CNTN4: variants seen among roughly 807,000 people sequenced by gnomAD.
CNTN4 encodes the protein contactin 4, also known as contactin-4.
CNTN4 carries 77 observed loss-of-function variants against 122.5 expected under a neutral mutation model. That is an observed-to-expected ratio of 0.63 (90% CI 0.52 to 0.76). The LOEUF (loss-of-function observed/expected upper bound fraction) is 0.76, where lower values mean the gene tolerates loss of function less well. CNTN4 is among the 30% of genes least tolerant of loss of function. The probability of loss-of-function intolerance (pLI) is 0.00; values close to 1 mark genes in which losing one functional copy is unlikely to be tolerated. For synonymous variants in CNTN4, 512 were observed against 447.0 expected, an observed-to-expected ratio of 1.15 and a Z score of -1.83; for missense variants, 1,256 against 1,259.1, an observed-to-expected ratio of 1.00 and a Z score of 0.04.
intron 4 of CNTN4, among the ~76,000 whole-genome samples, chr3:2,663,236 C>A (rs1246776937): frequency 6.6e-6 from 1 of 151,906 alleles, no homozygotes; most frequent in Non-Finnish European, 1.5e-5. Context: ...GAACTAGAAT[C>A]AAAAAAGTGA....
At chr3:2,111,633 A>G (rs1263611985) in intron 2 of CNTN4, among the ~76,000 whole-genome samples, 1 of 152,160 alleles carries the variant, frequency 6.6e-6, no homozygotes, top group Non-Finnish European at 1.5e-5. Flanking sequence ...CTACTTATGT[A>G]TTTAGTATAT....
At chr3:2,344,139 G>A (rs749718830) in intron 3 of CNTN4, among the ~76,000 whole-genome samples, 8 of 152,098 alleles carry the variant, frequency 5.3e-5, no homozygotes, top group Non-Finnish European at 1.0e-4. Context: ...GTCAGATTTC[G>A]ACACGACATT....
intron 2 of CNTN4, among the ~76,000 whole-genome samples, chr3:2,218,700 C>A (rs1226926885): frequency 6.6e-6 from 1 of 152,148 alleles, no homozygotes; most frequent in Non-Finnish European, 1.5e-5. Flanking sequence ...ATCTTTTTCC[C>A]TGATACAAAT....
Position 2,281,360 on chromosome 3 carries a change from G to C in CNTN4, c.-144-57818G>C, listed in dbSNP as rs553059185. 2.9e-4 allele frequency among the ~76,000 whole-genome samples: 44 copies of C among 152,192 alleles called. 1 individual carries two copies. Among genetic ancestry groups the C allele is most frequent in the African/African-American group, 1.1e-3 (44 of 41,524 alleles). Reference sequence around the variant, plus strand: ...AAATGCCTAGTACAGGGACTGTCTAGTAACTCCTAACCACAACTATTATGC... The same window carrying C: ...AAATGCCTAGTACAGGGACTGTCTACTAACTCCTAACCACAACTATTATGC... On this transcript the variant is annotated intron_variant, in intron 2 of 24. Transcript: ENST00000418658.
rs537262760 is a variant in CNTN4, at chr3:2,372,057, A to G, written c.-89+32824A>G. ...AACAATCATCATATTTTTCATATAA[A>G]TGATGATATAAGCTCTGGTAATAAG... On this transcript the variant is annotated intron_variant, in intron 3 of 24. Transcript: ENST00000418658. 6.6e-5 allele frequency among the ~76,000 whole-genome samples: 10 copies of G among 152,356 alleles called. No individual in the cohort carries two copies. The South Asian group carries it at 1.9e-3, about 28-fold the overall frequency.
intron 3 of CNTN4, among the ~76,000 whole-genome samples, chr3:2,458,342 C>G (rs2049076638): frequency 6.6e-6 from 1 of 151,992 alleles, no homozygotes; most frequent in African/African-American, 2.4e-5. Flanking sequence ...TTTATCTAAC[C>G]CTGACATACA....
At chr3:2,113,973 A>C (rs898689175) in intron 2 of CNTN4, among the ~76,000 whole-genome samples, 1 of 152,228 alleles carries the variant, frequency 6.6e-6, no homozygotes, top group African/African-American at 2.4e-5. Context: ...GAGTTCTTGC[A>C]TATACATATG....
intron 3 of CNTN4, among the ~76,000 whole-genome samples, chr3:2,547,662 T>C (rs1022434018): frequency 6.6e-6 from 1 of 152,200 alleles, no homozygotes; most frequent in African/African-American, 2.4e-5. Context: ...GAGGCTCAAC[T>C]GGAAAAACAC....
At chr3:2,498,491 G>T (rs1189921488) in intron 3 of CNTN4, among the ~76,000 whole-genome samples, 1 of 141,906 alleles carries the variant, frequency 7.0e-6, no homozygotes, top group Non-Finnish European at 1.6e-5. Context: ...CGTTGTTGTT[G>T]TTGGAGACAG....
intron 3 of CNTN4, among the ~76,000 whole-genome samples, chr3:2,384,502 A>G (rs2046162162): frequency 6.6e-6 from 1 of 152,216 alleles, no homozygotes; most frequent in Admixed American, 6.5e-5. Context: ...AGACATATTT[A>G]TTATGCTTAT....
chr3:2,810,013 A>G (rs2092566192), intron 6 of CNTN4, among the ~76,000 whole-genome samples: 1 of 152,214 alleles, frequency 6.6e-6, no homozygotes, highest in African/African-American at 2.4e-5. Flanking sequence ...AGTCAAGAAA[A>G]TAATAGTTGA....
rs532507036 is a variant in CNTN4 at position 2,916,768 on chromosome 3, T to A, written c.1208-8861T>A. Among the ~76,000 whole-genome samples, 753 of 142,064 alleles carry A rather than the reference T, an allele frequency of 5.3e-3. 26 individuals are homozygous for A. The highest frequency in any genetic ancestry group is 0.02 in the African/African-American group (682 of 33,536). 93.2% of individuals were successfully genotyped at this position (142,064 alleles called of 152,430 possible). A position where few individuals can be genotyped will look rare whatever the true frequency, so the allele number is the denominator to read the frequency against. ...GGCAGAGGGGCTCCTCACTTCCCAG[T>A]AGGGGCGGCCGGGCAGAGGGGCCCC... On this transcript the variant is annotated intron_variant, in intron 12 of 24. Transcript: ENST00000418658.
rs546018355 is a variant in CNTN4 at position 2,742,583 on chromosome 3, G to A, written c.183-2939G>A. ...AGCGAATCCTATAGATACCCTCCCA[G>A]CAAAGCCACAGCATTTTACCCTCCA... On this transcript the variant is annotated intron_variant, in intron 5 of 24. Coordinates refer to ENST00000418658, the MANE Select transcript of CNTN4 (RefSeq NM_175607.3). Among the ~76,000 whole-genome samples the A allele has an allele frequency of 8.8e-5, 11 of 125,088 alleles. No individual in the cohort carries two copies. In the East Asian group the frequency reaches 2.6e-3, roughly 30 times the overall value. 82.1% of individuals were successfully genotyped at this position (125,088 alleles called of 152,430 possible).
chr3:2,802,382 G>A (rs2675318), intron 6 of CNTN4, among the ~76,000 whole-genome samples: 36,387 of 152,160 alleles, frequency 0.24, 4,971 homozygotes, highest in Non-Finnish European at 0.32. Context: ...TTTGCTGTCT[G>A]TTTAGTGGCA....
rs1393002126 is a variant in CNTN4, at chr3:2,610,177, TTAAGA to T, written c.55+38622_55+38626del. On this transcript the variant is annotated intron_variant, in intron 4 of 24. Transcript: ENST00000418658. ...ATTTTATTTTTCACCATAGTATAAG[TTAAGA>T]TATTATTAAAATATTATTAAGATCA... Among the ~76,000 whole-genome samples, 5 of 152,186 alleles carry T rather than the reference TTAAGA, an allele frequency of 3.3e-5. No homozygotes were observed. The East Asian group carries it at 5.8e-4, about 18-fold the overall frequency.
rs138209884 is a variant in CNTN4 at position 2,662,610 on chromosome 3, G to A, written c.56-73605G>A. ...CTGGGTCCTGCAAGGATGGGGAAAG[G>A]GTTTGGTAAGCAGCTAACTAGTCTC... On this transcript the variant is annotated intron_variant, in intron 4 of 24. Transcript: ENST00000418658. 4.0e-4 allele frequency among the ~76,000 whole-genome samples: 61 copies of A among 152,248 alleles called. 1 individual carries two copies. Among genetic ancestry groups the A allele is most frequent in the African/African-American group, 1.4e-3 (58 of 41,550 alleles).
Position 2,547,310 on chromosome 3 carries a change from C to A in CNTN4, c.-88-24106C>A, listed in dbSNP as rs537974637. Among the ~76,000 whole-genome samples the A allele has an allele frequency of 4.0e-5, 6 of 151,880 alleles. No homozygotes were observed. In the East Asian group the frequency reaches 1.2e-3, roughly 30 times the overall value. ...TGGGATCTCATTCTTGTCTCTCAGG[C>A]TGGAGTGCAATGGCACGATCTCTGC... is the stretch of plus-strand genomic sequence containing the variant. On this transcript the variant is annotated intron_variant, in intron 3 of 24. Coordinates refer to ENST00000418658, the MANE Select transcript of CNTN4 (RefSeq NM_175607.3).
At chr3:2,840,503 A>G (rs924349067) in intron 7 of CNTN4, among the ~76,000 whole-genome samples, 6 of 136,436 alleles carry the variant, frequency 4.4e-5, no homozygotes, top group African/African-American at 1.0e-4. Flanking sequence ...GATCGAGACC[A>G]TCCTGGCTAA....
At chr3:2,471,744 C>A (rs2075691875) in intron 3 of CNTN4, among the ~76,000 whole-genome samples, 1 of 152,192 alleles carries the variant, frequency 6.6e-6, no homozygotes, top group Admixed American at 6.5e-5. Context: ...TCTAAATGTT[C>A]TAAGCATCAG....
Sources: gnomAD v4.1 joint callset for allele counts (sites outside exome capture counted in the v4.1 genomes callset) on GRCh38, gnomAD v4.1.1 for gene constraint, MANE v1.5 for transcripts, NCBI Gene and HGNC (gene_info 2026-07-23, HGNC 2026-07-21) for gene names.